PCDHGC3: variants seen among roughly 807,000 people sequenced by gnomAD.
PCDHGC3 encodes the protein protocadherin gamma-C3.
PCDHGC3 carries 26 observed loss-of-function variants against 59.2 expected under a neutral mutation model. That is an observed-to-expected ratio of 0.44 (90% CI 0.32 to 0.61). The LOEUF (loss-of-function observed/expected upper bound fraction) is 0.61, where lower values mean the gene tolerates loss of function less well. Among genes scored for constraint, PCDHGC3 ranks in the 20% least tolerant of loss-of-function variants. The probability of loss-of-function intolerance (pLI) is 0.05; values close to 1 mark genes in which losing one functional copy is unlikely to be tolerated. For synonymous variants in PCDHGC3, 487 were observed against 519.7 expected (o/e 0.94, Z 0.86); for missense variants, 1,080 against 1,221.8 (o/e 0.88, Z 1.73).
In PCDHGC3 at chr5:141,478,511, C is replaced by CA; in HGVS notation, c.2396dup (p.Val800GlyfsTer37). ...GAGCTGTGATCCGGTGTTCTATAGGCAGGTGTTGGGTGCAGAGAGCGCCCC... is the reference window on the plus strand; with the variant it reads ...GAGCTGTGATCCGGTGTTCTATAGGCAAGGTGTTGGGTGCAGAGAGCGCCCC... On this transcript the variant is annotated frameshift_variant, in exon 1 of 4. Transcript: ENST00000308177. LOFTEE classifies it high-confidence loss of function. 5 of 1,611,778 alleles carry CA rather than the reference C, an allele frequency of 3.1e-6. No homozygotes were observed. The highest frequency in any genetic ancestry group is 4.2e-6 in the Non-Finnish European group (5 of 1,178,868).
rs1035125527 is a variant in PCDHGC3, at chr5:141,485,059, C to T, written c.2430+6513C>T. The T allele has an allele frequency of 7.0e-6, 6 of 858,958 alleles. No homozygotes were observed. The highest frequency in any genetic ancestry group is 2.4e-5 in the East Asian group (1 of 40,854). 53.2% of individuals were successfully genotyped at this position (858,958 alleles called of 1,614,324 possible). A position where few individuals can be genotyped will look rare whatever the true frequency, so the allele number is the denominator to read the frequency against. ...AACCCTTGCGGCGCCGGCCGAACCG[C>T]GCCAGAGCTGGCGCGGGGAAAGGGA... On this transcript the variant is annotated intron_variant, in intron 1 of 3. Coordinates refer to ENST00000308177, the MANE Select transcript of PCDHGC3 (RefSeq NM_002588.4). This position sits in a 1 kb window ranked among gnomAD's most constrained non-coding sequence, Gnocchi z 5.7.
chr5:141,511,345 T>TC lies in PCDHGC3; in HGVS notation c.*179dup, dbSNP rs535135679. The TC allele has an allele frequency of 6.6e-4, 924 of 1,410,366 alleles. 3 individuals are homozygous for TC. The African/African-American group carries it at 0.011, about 17-fold the overall frequency. 87.4% of individuals were successfully genotyped at this position (1,410,366 alleles called of 1,614,324 possible). ...AAGTGCCCAGTCAGCACCTACCCCT[T>TC]CCCCCCCAGGGGGTTGAATATGCAA... On this transcript the variant is annotated 3_prime_UTR_variant, in exon 4 of 4. Coordinates refer to ENST00000308177, the MANE Select transcript of PCDHGC3 (RefSeq NM_002588.4).
At chr5:141,499,127 A>G (rs1198571084) in intron 2 of PCDHGC3, among the ~76,000 whole-genome samples, 1 of 152,134 alleles carries the variant, frequency 6.6e-6, no homozygotes, top group Non-Finnish European at 1.5e-5. Flanking sequence ...TTCTCAGGTC[A>G]TCCTTTGGGT....
rs2099692814 is a variant in PCDHGC3 at position 141,489,840 on chromosome 5, G to A, written c.2431-4967G>A. 6.2e-7 allele frequency: 1 copy of A among 1,614,190 alleles called. No individual in the cohort carries two copies. The highest frequency in any genetic ancestry group is 8.5e-7 in the Non-Finnish European group (1 of 1,179,990). On this transcript the variant is annotated intron_variant, in intron 1 of 3. Coordinates refer to ENST00000308177, the MANE Select transcript of PCDHGC3 (RefSeq NM_002588.4). The surrounding 1 kb of genome is among the most constrained non-coding windows in gnomAD (Gnocchi z 4.5). ...CAGAGCTGGTGCTAGAGCAGCAGCT[G>A]GATCGTGAAGCCCAGGCAAGACATC... is the stretch of plus-strand genomic sequence containing the variant.
Position 141,486,817 on chromosome 5 carries a change from T to A in PCDHGC3, c.2431-7990T>A, listed in dbSNP as rs143638501. On this transcript the variant is annotated intron_variant, in intron 1 of 3. Transcript: ENST00000308177. The surrounding 1 kb of genome is among the most constrained non-coding windows in gnomAD (Gnocchi z 5.0). ...GGGGCAACCCACCCCTTAGCAGCAC[T>A]GTAACAGTTCGTCTATTTGTGCTGG... 1 of 1,614,102 alleles carries A rather than the reference T, an allele frequency of 6.2e-7. No homozygotes were observed. Among genetic ancestry groups the A allele is most frequent in the East Asian group, 2.2e-5 (1 of 44,898 alleles).
In PCDHGC3 at chr5:141,486,407, C is replaced by A; in HGVS notation, c.2430+7861C>A. The A allele has an allele frequency of 6.2e-7, 1 of 1,614,134 alleles. No homozygotes were observed. The highest frequency in any genetic ancestry group is 8.5e-7 in the Non-Finnish European group (1 of 1,180,000). On this transcript the variant is annotated intron_variant, in intron 1 of 3. Transcript: ENST00000308177. This position sits in a 1 kb window ranked among gnomAD's most constrained non-coding sequence, Gnocchi z 5.0. Reference sequence around the variant, plus strand: ...CCAGTTCTCCCTGGTGACTGCTGGACCCTTGGATCGAGAGGCCAAATCTAG... The same window carrying A: ...CCAGTTCTCCCTGGTGACTGCTGGAACCTTGGATCGAGAGGCCAAATCTAG...
At chr5:141,500,723 G>A (rs6875791) in intron 2 of PCDHGC3, among the ~76,000 whole-genome samples, 4,890 of 152,100 alleles carry the variant, frequency 0.032, 255 homozygotes, top group African/African-American at 0.11. Flanking sequence ...ATTTCCCCAT[G>A]TCTTTCAAAA....
At chr5:141,503,660 C>A (rs2099827842) in intron 2 of PCDHGC3, among the ~76,000 whole-genome samples, 1 of 150,420 alleles carries the variant, frequency 6.6e-6, no homozygotes, top group Non-Finnish European at 1.5e-5. Flanking sequence ...AACAGAATTA[C>A]AACTCTTCCC....
intron 3 of PCDHGC3, among the ~76,000 whole-genome samples, 188 bp from the exon 4 acceptor site, chr5:141,510,759 G>A (rs1026623444): frequency 6.6e-5 from 10 of 152,172 alleles, no homozygotes; most frequent in African/African-American, 2.4e-4. Context: ...TCTCACTCCA[G>A]AGCCTCTTAA....
At position 141,486,367 on chromosome 5, in the gene PCDHGC3, G is replaced by A; in HGVS notation, c.2430+7821G>A. On this transcript the variant is annotated intron_variant, in intron 1 of 3. Coordinates refer to ENST00000308177, the MANE Select transcript of PCDHGC3 (RefSeq NM_002588.4). This position sits in a 1 kb window ranked among gnomAD's most constrained non-coding sequence, Gnocchi z 5.0. Reference sequence around the variant, plus strand: ...CTGACCACTTGCCATTTGCCCTCAAGTCTGCCTTCAGGAACCAGTTCTCCC... The same window carrying A: ...CTGACCACTTGCCATTTGCCCTCAAATCTGCCTTCAGGAACCAGTTCTCCC... 1 of 1,614,148 alleles carries A rather than the reference G, an allele frequency of 6.2e-7. No individual in the cohort carries two copies. Among genetic ancestry groups the A allele is most frequent in the Non-Finnish European group, 8.5e-7 (1 of 1,180,022 alleles).
Position 141,489,898 on chromosome 5 carries a change from C to T in PCDHGC3, c.2431-4909C>T. On this transcript the variant is annotated intron_variant, in intron 1 of 3. Transcript: ENST00000308177. The surrounding 1 kb of genome is among the most constrained non-coding windows in gnomAD (Gnocchi z 4.5). ...GCTTACTGCTGTGGATGGGGGGACC[C>T]CAGCCCGCTCAGGGACCACCCTTAT... 6.2e-7 allele frequency: 1 copy of T among 1,614,216 alleles called. No homozygotes were observed. Among genetic ancestry groups the T allele is most frequent in the Non-Finnish European group, 8.5e-7 (1 of 1,180,036 alleles).
In PCDHGC3 at chr5:141,490,506, C is replaced by T. The variant is rs967095367; in HGVS notation, c.2431-4301C>T. ...GGGAGGCCACATCCCACTATATCAT[C>T]GAGCTGCTGGCCAGCGATGCTGGTT... is the stretch of plus-strand genomic sequence containing the variant. On this transcript the variant is annotated intron_variant, in intron 1 of 3. Transcript: ENST00000308177. This position sits in a 1 kb window ranked among gnomAD's most constrained non-coding sequence, Gnocchi z 5.4. The T allele has an allele frequency of 1.2e-5, 19 of 1,614,116 alleles. No homozygotes were observed. The highest frequency in any genetic ancestry group is 2.2e-5 in the South Asian group (2 of 91,088).
rs377061064 is a variant in PCDHGC3, at chr5:141,505,429, C to A, written c.2526C>A (p.Asn842Lys). 1.2e-6 allele frequency: 2 copies of A among 1,614,116 alleles called. No homozygotes were observed. Among genetic ancestry groups the A allele is most frequent in the African/African-American group, 1.3e-5 (1 of 74,938 alleles). Residue 842 changes from asparagine (N) to lysine (K), a missense_variant, in exon 3 of 4, where the codon AAC becomes AAA. Asn to Lys is a moderately conservative substitution (Grantham distance 94, BLOSUM62 0). Coordinates refer to ENST00000308177, the MANE Select transcript of PCDHGC3 (RefSeq NM_002588.4). ...QNGDDTGTWP[N>K]NQFDTEMLQA... ...GCGATGACACCGGCACCTGGCCCAA[C>A]AACCAGTTTGACACAGAGATGCTGC...
rs996153387 is a variant in PCDHGC3, at chr5:141,491,985, G to A, written c.2431-2822G>A. 24 of 743,298 alleles carry A rather than the reference G, an allele frequency of 3.2e-5. No homozygotes were observed. Among genetic ancestry groups the A allele is most frequent in the Non-Finnish European group, 4.5e-5 (22 of 494,254 alleles). 46.0% of individuals were successfully genotyped at this position (743,298 alleles called of 1,614,324 possible). On this transcript the variant is annotated intron_variant, in intron 1 of 3. Transcript: ENST00000308177. The surrounding 1 kb of genome is among the most constrained non-coding windows in gnomAD (Gnocchi z 6.9). ...AGGCCGGGGCCTCCTTCGAGCTTCC[G>A]GTGAATTTCGGGCGATTTCCGCGGG...
At chr5:141,500,145 T>C (rs2099796736) in intron 2 of PCDHGC3, among the ~76,000 whole-genome samples, 2 of 151,992 alleles carry the variant, frequency 1.3e-5, no homozygotes, top group East Asian at 3.9e-4. Context: ...TAAACTTTTC[T>C]TTGTGTAATC....
In PCDHGC3 at chr5:141,481,621, C is replaced by T. The variant is rs533294863; in HGVS notation, c.2430+3075C>T. Among the ~76,000 whole-genome samples the T allele has an allele frequency of 3.9e-5, 6 of 152,198 alleles. 1 individual carries two copies. Among genetic ancestry groups the T allele is most frequent in the East Asian group, 3.9e-4 (2 of 5,172 alleles). Reference sequence around the variant, plus strand: ...TCACCTGAGGCCAGGAGTTCAAGACCGGCCTGGCCAACATGGTGAAACTTC... The same window carrying T: ...TCACCTGAGGCCAGGAGTTCAAGACTGGCCTGGCCAACATGGTGAAACTTC... On this transcript the variant is annotated intron_variant, in intron 1 of 3. Transcript: ENST00000308177.
Position 141,486,344 on chromosome 5 carries a change from G to C in PCDHGC3, c.2430+7798G>C. 6.2e-7 allele frequency: 1 copy of C among 1,614,062 alleles called. No homozygotes were observed. The highest frequency in any genetic ancestry group is 8.5e-7 in the Non-Finnish European group (1 of 1,180,022). On this transcript the variant is annotated intron_variant, in intron 1 of 3. Transcript: ENST00000308177. The surrounding 1 kb of genome is among the most constrained non-coding windows in gnomAD (Gnocchi z 5.0). Reference sequence around the variant, plus strand: ...CGGAGATGTGAGCCTCCGCATTCCTGACCACTTGCCATTTGCCCTCAAGTC... The same window carrying C: ...CGGAGATGTGAGCCTCCGCATTCCTCACCACTTGCCATTTGCCCTCAAGTC...
chr5:141,492,072 C>G (rs2099736816), intron 1 of PCDHGC3: 2 of 480,040 alleles, frequency 4.2e-6, no homozygotes, highest in East Asian at 3.3e-5. Context: ...TCCTAGGCGC[C>G]GGCTCCGGCA....
Position 141,485,209 on chromosome 5 carries a change from G to T in PCDHGC3, c.2430+6663G>T, listed in dbSNP as rs2099609420. The T allele has an allele frequency of 6.2e-7, 1 of 1,614,032 alleles. No individual in the cohort carries two copies. Among genetic ancestry groups the T allele is most frequent in the African/African-American group, 1.3e-5 (1 of 74,938 alleles). On this transcript the variant is annotated intron_variant, in intron 1 of 3. Transcript: ENST00000308177. This position sits in a 1 kb window ranked among gnomAD's most constrained non-coding sequence, Gnocchi z 5.7. Reference sequence around the variant, plus strand: ...AGGTGAGAAGCTGGACAGAAATCTGGCGGTGGGCTACCCTTTTGTTCCTCT... The same window carrying T: ...AGGTGAGAAGCTGGACAGAAATCTGTCGGTGGGCTACCCTTTTGTTCCTCT...
Sources: allele counts gnomAD v4.1 joint callset (sites outside exome capture counted in the v4.1 genomes callset), GRCh38; gene constraint gnomAD v4.1.1; non-coding constraint Gnocchi (gnomAD v3.1); transcripts MANE v1.5; gene names NCBI Gene and HGNC (gene_info 2026-07-23, HGNC 2026-07-21).